Variants in CSNK1G1 observed in about 807,000 individuals in gnomAD.
CSNK1G1 encodes the protein casein kinase 1 gamma 1.
Under a neutral mutation model 59.6 loss-of-function variants are expected in CSNK1G1, and 22 were observed. That is an observed-to-expected ratio of 0.37 (90% CI 0.26 to 0.53). The LOEUF (loss-of-function observed/expected upper bound fraction) is 0.53, where lower values mean the gene tolerates loss of function less well. Ranked by LOEUF, CSNK1G1 falls within the 20% of genes least tolerant of loss-of-function variation. CSNK1G1 has a pLI of 0.89. For missense variants in CSNK1G1, 384 were observed against 519.5 expected, an observed-to-expected ratio of 0.74 and a Z score of 2.54; for synonymous variants, 179 against 177.1, an observed-to-expected ratio of 1.01 and a Z score of -0.08.
intron 1 of CSNK1G1, among the ~76,000 whole-genome samples, chr15:64,313,729 C>T (rs1566943990): frequency 6.7e-6 from 1 of 150,366 alleles, no homozygotes; most frequent in Non-Finnish European, 1.5e-5. Flanking sequence ...TGCACAGGTA[C>T]CCCAGAACTT....
intron 1 of CSNK1G1, among the ~76,000 whole-genome samples, chr15:64,352,725 A>G (rs1358078791): frequency 6.6e-6 from 1 of 151,410 alleles, no homozygotes; most frequent in Non-Finnish European, 1.5e-5. Context: ...GATTACAGGC[A>G]TGAGCCACCA....
intron 10 of CSNK1G1, among the ~76,000 whole-genome samples, chr15:64,190,280 T>G (rs2081953451): frequency 6.6e-6 from 1 of 152,228 alleles, no homozygotes; most frequent in South Asian, 2.1e-4. Flanking sequence ...AGGGGTTTGA[T>G]TTTATGCTGC....
chr15:64,333,539 A>G (rs890015208), intron 1 of CSNK1G1, among the ~76,000 whole-genome samples: 40 of 152,070 alleles, frequency 2.6e-4, no homozygotes, highest in African/African-American at 9.6e-4. Flanking sequence ...AGGACAACAA[A>G]GTGTCTAGGT....
chr15:64,319,884 T>C (rs1480159527), intron 1 of CSNK1G1, among the ~76,000 whole-genome samples: 5 of 151,196 alleles, frequency 3.3e-5, no homozygotes. Flanking sequence ...ATACTGCTTG[T>C]ATAAAATAAA....
intron 1 of CSNK1G1, among the ~76,000 whole-genome samples, chr15:64,328,048 T>G (rs1394688665): frequency 1.5e-5 from 1 of 65,868 alleles, no homozygotes; most frequent in Non-Finnish European, 3.1e-5. Flanking sequence ...CTACGTCTGA[T>G]TGGTGTACCT....
At chr15:64,295,818 C>A (rs1012361708) in intron 2 of CSNK1G1, among the ~76,000 whole-genome samples, 6 of 152,166 alleles carry the variant, frequency 3.9e-5, no homozygotes, top group African/African-American at 1.2e-4. Flanking sequence ...GATGATTCGA[C>A]CCCATTGCCT....
intron 1 of CSNK1G1, among the ~76,000 whole-genome samples, chr15:64,329,903 A>G (rs1459308846): frequency 1.3e-4 from 19 of 144,356 alleles, no homozygotes; most frequent in Admixed American, 1.3e-3. Context: ...ACACCTCTAC[A>G]CAAATAAACT....
At chr15:64,262,676 T>G (rs79090103) in intron 2 of CSNK1G1, among the ~76,000 whole-genome samples, 3,398 of 152,326 alleles carry the variant, frequency 0.022, 118 homozygotes, top group African/African-American at 0.079. Context: ...ACAAGTAAGA[T>G]ACACTTTTCT....
chr15:64,186,576 C>T (rs1398953483), intron 10 of CSNK1G1, among the ~76,000 whole-genome samples: 2 of 152,178 alleles, frequency 1.3e-5, no homozygotes, highest in African/African-American at 4.8e-5. Flanking sequence ...GTGGTACGAT[C>T]ATGGCTCACT....
intron 1 of CSNK1G1, among the ~76,000 whole-genome samples, chr15:64,301,886 CAA>C (rs1368558306): frequency 2.3e-5 from 3 of 130,196 alleles, no homozygotes; most frequent in Non-Finnish European, 1.7e-5. Context: ...GACTCCGTCT[CAA>C]AAAAAAAAAG....
At chr15:64,306,765 G>A (rs1895704964) in intron 1 of CSNK1G1, among the ~76,000 whole-genome samples, 1 of 152,120 alleles carries the variant, frequency 6.6e-6, no homozygotes, top group African/African-American at 2.4e-5. Context: ...AAACAAATTT[G>A]TGGTATAGCC....
At chr15:64,237,684 G>T (rs938568503) in intron 4 of CSNK1G1, among the ~76,000 whole-genome samples, 1 of 152,090 alleles carries the variant, frequency 6.6e-6, no homozygotes, top group Non-Finnish European at 1.5e-5. Flanking sequence ...TTATAAAAGG[G>T]TCTTATCAAT....
At chr15:64,241,803 T>C (rs1420625018) in intron 4 of CSNK1G1, among the ~76,000 whole-genome samples, 3 of 133,990 alleles carry the variant, frequency 2.2e-5, no homozygotes, top group Non-Finnish European at 4.9e-5. Flanking sequence ...ATCAAGAAAC[T>C]AGAAAAGAAA....
chr15:64,269,186 T>C (rs529334396), intron 2 of CSNK1G1, among the ~76,000 whole-genome samples: 4 of 152,338 alleles, frequency 2.6e-5, no homozygotes, highest in East Asian at 1.9e-4. Flanking sequence ...AGTTTGGTGA[T>C]GTTTTTGTGA....
At chr15:64,250,390 A>G (rs934312913) in intron 4 of CSNK1G1, among the ~76,000 whole-genome samples, 3 of 152,202 alleles carry the variant, frequency 2.0e-5, no homozygotes, top group African/African-American at 7.2e-5. Flanking sequence ...GACTCATATA[A>G]TTCTAAATAT....
rs2082282756 is a variant in CSNK1G1 at position 64,214,208 on chromosome 15, G to T, written c.445-84C>A. On this transcript the variant is annotated intron_variant, in intron 5 of 11. Coordinates refer to ENST00000303052, the MANE Select transcript of CSNK1G1 (RefSeq NM_022048.5). This position sits in a 1 kb window ranked among gnomAD's most constrained non-coding sequence, Gnocchi z 4.3. ...AAACAGTTTCTTTAGCCAGACCAAG[G>T]TTTTAATTATTGAAATAACAGTAAA... 5 of 988,356 alleles carry T rather than the reference G, an allele frequency of 5.1e-6. No individual in the cohort carries two copies. The highest frequency in any genetic ancestry group is 4.2e-5 in the South Asian group (3 of 70,662). 61.2% of individuals were successfully genotyped at this position (988,356 alleles called of 1,614,324 possible). A position where few individuals can be genotyped will look rare whatever the true frequency, so the allele number is the denominator to read the frequency against.
At chr15:64,225,373 G>C (rs2082445877) in intron 4 of CSNK1G1, among the ~76,000 whole-genome samples, 1 of 152,040 alleles carries the variant, frequency 6.6e-6, no homozygotes, top group South Asian at 2.1e-4. Flanking sequence ...GTCATAACAG[G>C]CCAAAGGCCC....
chr15:64,233,100 T>C (rs1395539252), intron 4 of CSNK1G1, among the ~76,000 whole-genome samples: 1 of 152,198 alleles, frequency 6.6e-6, no homozygotes, highest in East Asian at 1.9e-4. Flanking sequence ...TGAAGCCCTT[T>C]AAAAGAAAAC....
At chr15:64,219,330 G>GA (rs2082355606) in intron 4 of CSNK1G1, among the ~76,000 whole-genome samples, 1 of 152,122 alleles carries the variant, frequency 6.6e-6, no homozygotes, top group African/African-American at 2.4e-5. Flanking sequence ...GCAGTTTGGG[G>GA]ATCTTTTAAA....
Sources: allele counts gnomAD v4.1 joint callset (sites outside exome capture counted in the v4.1 genomes callset), GRCh38; gene constraint gnomAD v4.1.1; non-coding constraint Gnocchi (gnomAD v3.1); transcripts MANE v1.5; gene names NCBI Gene and HGNC (gene_info 2026-07-23, HGNC 2026-07-21).